Variants in ATP11C observed in about 807,000 individuals in gnomAD.
The protein encoded by ATP11C is ATPase phospholipid transporting 11C (ATP11C blood group).
A neutral mutation model predicts 97.4 loss-of-function variants in ATP11C; 36 were observed. The ratio of observed to expected loss-of-function variants is 0.37; its 90% CI spans 0.28 to 0.49. The LOEUF (loss-of-function observed/expected upper bound fraction) is 0.49, where lower values mean the gene tolerates loss of function less well. Among genes scored for constraint, ATP11C ranks in the 20% least tolerant of loss-of-function variants. The pLI is 0.98. For missense variants in ATP11C, 730 were observed against 824.6 expected, an observed-to-expected ratio of 0.89 and a Z score of 1.40; for synonymous variants, 275 against 290.9, an observed-to-expected ratio of 0.95 and a Z score of 0.56.
chrX:139,829,216 G>A (rs1301652144), intron 1 of ATP11C, among the ~76,000 whole-genome samples: 2 of 111,326 alleles, frequency 1.8e-5, no homozygotes, highest in African/African-American at 6.5e-5. Flanking sequence ...ACCCTAAACA[G>A]GTTTGGGTTG....
In ATP11C at chrX:139,840,849, C is replaced by CA. The variant is rs113679557; in HGVS notation, c.28-14027dup. On this transcript the variant is annotated intron_variant, in intron 1 of 29. Transcript: ENST00000682941. ...TCACTAACCTATATAAAGTCTCATACAAAAAAAAAAGACTGAAGGGTGGGA... is the reference window on the plus strand; with the variant it reads ...TCACTAACCTATATAAAGTCTCATACAAAAAAAAAAAGACTGAAGGGTGGGA... Among the ~76,000 whole-genome samples, 269 of 100,693 alleles carry CA rather than the reference C, an allele frequency of 2.7e-3. 2 individuals carry two copies. Among genetic ancestry groups the CA allele is most frequent in the African/African-American group, 7.6e-3 (212 of 27,722 alleles). The allele number at this position is 100,693 out of a possible 115,157, so 87.4% of individuals were successfully genotyped here. A position where few individuals can be genotyped will look rare whatever the true frequency, so the allele number is the denominator to read the frequency against.
rs1603406004 is a variant in ATP11C at position 139,867,241 on chromosome X, G to A, written c.28-40418C>T. 2.7e-5 allele frequency among the ~76,000 whole-genome samples: 3 copies of A among 111,357 alleles called. No homozygotes were observed. The Admixed American group carries it at 2.9e-4, about 11-fold the overall frequency. On this transcript the variant is annotated intron_variant, in intron 1 of 29. Coordinates refer to ENST00000682941, the MANE Select transcript of ATP11C (RefSeq NM_001353812.2). ...AGACAAAAATCCCTTCCCTCATAGCGCTTACATTCTAGTGGGAGGAGACAG... is the reference window on the plus strand; with the variant it reads ...AGACAAAAATCCCTTCCCTCATAGCACTTACATTCTAGTGGGAGGAGACAG...
Position 139,802,299 on chromosome X carries a change from G to T in ATP11C, c.596C>A (p.Ala199Glu). The change falls in exon 7 of 30, where the codon GCA becomes GAA. Residue 199 changes from alanine to glutamate, a missense_variant. Ala to Glu is a moderately radical substitution (Grantham distance 107). Coordinates refer to ENST00000682941, the MANE Select transcript of ATP11C (RefSeq NM_001353812.2). Reference protein sequence around the residue: ...AVRDTIALCTAESIDTLRAAI... With the variant: ...AVRDTIALCTEESIDTLRAAI... Reference sequence around the variant, plus strand: ...TGCTCGGAGGGTATCGATGGATTCTGCTGTACACAGTGCAATGGTATCACG... The same window carrying T: ...TGCTCGGAGGGTATCGATGGATTCTTCTGTACACAGTGCAATGGTATCACG... 8.3e-7 allele frequency: 1 copy of T among 1,207,307 alleles called. No homozygotes were observed. Among genetic ancestry groups the T allele is most frequent in the Non-Finnish European group, 1.1e-6 (1 of 891,386 alleles).
At chrX:139,922,042 T>TA (rs1306266714) in intron 1 of ATP11C, among the ~76,000 whole-genome samples, 1 of 105,582 alleles carries the variant, frequency 9.5e-6, no homozygotes, top group African/African-American at 3.4e-5. Flanking sequence ...CTGTCTCTCC[T>TA]AAAAATACAA....
At position 139,815,004 on chromosome X, in the gene ATP11C, T is replaced by G; in HGVS notation, c.319-19A>C. 1.1e-6 allele frequency: 1 copy of G among 949,022 alleles called. No homozygotes were observed. The highest frequency in any genetic ancestry group is 1.5e-6 in the Non-Finnish European group (1 of 684,749). 78.2% of individuals were successfully genotyped at this position (949,022 alleles called of 1,213,427 possible). Reference sequence around the variant, plus strand: ...CATATCCCTGAAAGATAAAAATAACTATATAATTGAGTTCTGATAATGAAA... The same window carrying G: ...CATATCCCTGAAAGATAAAAATAACGATATAATTGAGTTCTGATAATGAAA... On this transcript the variant is annotated intron_variant, in intron 4 of 29. Coordinates refer to ENST00000682941, the MANE Select transcript of ATP11C (RefSeq NM_001353812.2).
chrX:139,814,849 T>A (rs748614485), intron 5 of ATP11C, 29 bp downstream of exon 5: 1 of 923,894 alleles, frequency 1.1e-6, no homozygotes, highest in Non-Finnish European at 1.5e-6. Flanking sequence ...TTTTTACCAT[T>A]AAAAAAGGAG....
At chrX:139,817,564 T>C (rs2083312638) in intron 3 of ATP11C, among the ~76,000 whole-genome samples, 1 of 112,383 alleles carries the variant, frequency 8.9e-6, no homozygotes, top group Non-Finnish European at 1.9e-5. Context: ...CAGGAAATCC[T>C]TGAAAGTTTT....
In ATP11C at chrX:139,728,252, G is replaced by C. The variant is rs1311013361; in HGVS notation, c.*714C>G. ...TCTAGTAGGCTTACACCCATAAGTG[G>C]GGTTTAATTCAGAAGAATAAAAAAT... On this transcript the variant is annotated 3_prime_UTR_variant, in exon 30 of 30. Coordinates refer to ENST00000682941, the MANE Select transcript of ATP11C (RefSeq NM_001353812.2). 1.8e-5 allele frequency: 2 copies of C among 111,504 alleles called. No individual in the cohort carries two copies. The highest frequency in any genetic ancestry group is 3.8e-5 in the Non-Finnish European group (2 of 52,941). The allele number at this position is 111,504 out of a possible 1,213,427, so 9.2% of individuals were successfully genotyped here.
intron 1 of ATP11C, among the ~76,000 whole-genome samples, chrX:139,901,260 A>G (rs2084895561): frequency 9.0e-6 from 1 of 111,429 alleles, no homozygotes; most frequent in Non-Finnish European, 1.9e-5. Context: ...TGCCCATCAG[A>G]ACTCCCTTCC....
At chrX:139,895,930 T>G (rs1438454367) in intron 1 of ATP11C, among the ~76,000 whole-genome samples, 1 of 110,158 alleles carries the variant, frequency 9.1e-6, no homozygotes, top group Non-Finnish European at 1.9e-5. Flanking sequence ...CCGCCTCAGC[T>G]TCCCAAAGTG....
upstream of ATP11C, among the ~76,000 whole-genome samples, chrX:139,934,615 C>A (rs894903184): frequency 3.0e-5 from 3 of 100,032 alleles, no homozygotes; most frequent in Non-Finnish European, 4.0e-5. Context: ...TGCAGTGGCG[C>A]GATCTTGGCT....
intron 1 of ATP11C, among the ~76,000 whole-genome samples, chrX:139,891,283 G>A (rs755705406): frequency 1.8e-5 from 2 of 108,317 alleles, no homozygotes; most frequent in East Asian, 6.0e-4. Flanking sequence ...GAAAGTTGGT[G>A]TTAACTAATG....
chrX:139,866,669 C>T lies in ATP11C; in HGVS notation c.28-39846G>A, dbSNP rs773154222. 4.3e-4 allele frequency among the ~76,000 whole-genome samples: 47 copies of T among 108,423 alleles called. 1 individual carries two copies. The highest frequency in any genetic ancestry group is 1.4e-3 in the African/African-American group (41 of 29,662). 94.2% of individuals were successfully genotyped at this position (108,423 alleles called of 115,157 possible). On this transcript the variant is annotated intron_variant, in intron 1 of 29. Transcript: ENST00000682941. ...GTGAGGTCGAGGCTGTGGTAAGCAA[C>T]GACTGTGCCACCACACTCTAGCATG...
chrX:139,799,809 C>T (rs1165905417), intron 8 of ATP11C, among the ~76,000 whole-genome samples: 1 of 108,376 alleles, frequency 9.2e-6, no homozygotes, highest in Non-Finnish European at 1.9e-5. Context: ...TGTGCCACCA[C>T]GCCCAGCTAA....
At chrX:139,866,343 CA>C (rs57250412) in intron 1 of ATP11C, among the ~76,000 whole-genome samples, 598 of 27,496 alleles carry the variant, frequency 0.022, 1 homozygote, top group African/African-American at 0.042. Flanking sequence ...GACTCTGTCT[CA>C]AAAAAAAAAA....
rs111529123 is a variant in ATP11C at position 139,889,651 on chromosome X, A to T, written c.27+42365T>A. Among the ~76,000 whole-genome samples, 328 of 112,216 alleles carry T rather than the reference A, an allele frequency of 2.9e-3. 2 individuals are homozygous for T. The highest frequency in any genetic ancestry group is 8.8e-3 in the African/African-American group (271 of 30,892). ...AAAGAGCCAACTATTTTAGGCAGAG[A>T]TCTACAACTGATTTGAACTGAAAAG... On this transcript the variant is annotated intron_variant, in intron 1 of 29. Transcript: ENST00000682941.
intron 1 of ATP11C, among the ~76,000 whole-genome samples, chrX:139,830,176 G>A (rs767877492): frequency 1.1e-4 from 12 of 111,532 alleles, no homozygotes; most frequent in East Asian, 2.8e-4. Context: ...CTTAATCCTG[G>A]TCACACAGTG....
At chrX:139,896,546 TACACACACAC>T (rs61153084) in intron 1 of ATP11C, among the ~76,000 whole-genome samples, 2,097 of 79,784 alleles carry the variant, frequency 0.026, 54 homozygotes, top group African/African-American at 0.069. Context: ...GTTAATTTTA[TACACACACAC>T]ACACACACAC....
At chrX:139,731,075 G>T (rs1256547672) in intron 29 of ATP11C, among the ~76,000 whole-genome samples, 2 of 111,317 alleles carry the variant, frequency 1.8e-5, no homozygotes, top group Non-Finnish European at 3.8e-5. Context: ...AATAAAACTT[G>T]ACATTAAAAA....
Sources: gnomAD v4.1 joint callset for allele counts (sites outside exome capture counted in the v4.1 genomes callset) on GRCh38, gnomAD v4.1.1 for gene constraint, MANE v1.5 for transcripts, NCBI Gene and HGNC (gene_info 2026-07-23, HGNC 2026-07-21) for gene names.